Variants in BTK observed in about 807,000 individuals in gnomAD.
BTK encodes the protein tyrosine-protein kinase BTK.
In BTK, 5 loss-of-function variants were observed where a neutral mutation model predicts 57.4. That is an observed-to-expected ratio of 0.09 (90% confidence interval 0.05 to 0.18). BTK has a LOEUF of 0.18. BTK is among the 10% of genes least tolerant of loss of function. The pLI, the probability that BTK is intolerant of heterozygous loss-of-function variation, is 1.00. For missense variants in BTK, 194 were observed against 501.2 expected (o/e 0.39, Z 5.85); for synonymous variants, 154 against 174.3 (o/e 0.88, Z 0.92).
chrX:101,376,288 C>A (rs1037370199), intron 1 of BTK, among the ~76,000 whole-genome samples: 2 of 111,767 alleles, frequency 1.8e-5, no homozygotes, highest in Non-Finnish European at 3.8e-5. Flanking sequence ...ATTACTAATT[C>A]CGAACTTTCA....
At chrX:101,354,246 C>G in intron 16 of BTK, 1 of 420,192 alleles carries the variant, frequency 2.4e-6, no homozygotes, top group Non-Finnish European at 4.2e-6. Context: ...TTCCTCTTCT[C>G]TATCCACCTT....
rs1603008329 is a variant in BTK at position 101,360,580 on chromosome X, C to T, written c.764G>A (p.Arg255Gln). 9.1e-6 allele frequency: 11 copies of T among 1,211,606 alleles called. No homozygotes were observed. The highest frequency in any genetic ancestry group is 1.8e-5 in the South Asian group (1 of 56,998). Residue 255 changes from arginine to glutamine, a missense_variant, in exon 8 of 19, where the codon CGA becomes CAA. This residue lies in a region of BTK where 115 missense variants were observed against 258.3 expected (regional missense o/e 0.45). Transcript: ENST00000308731. ...EESNLPWWRA[R>Q]DKNGQEGYIP... ...GGTGTGGACTCACCCATTTTTATCT[C>T]GTGCTCTCCACCATGGTAAGTTGCT...
At chrX:101,360,506 G>A in intron 8 of BTK, 62 bp downstream of exon 8, 7 of 1,127,682 alleles carry the variant, frequency 6.2e-6, no homozygotes, top group Non-Finnish European at 8.5e-6. Context: ...TTATGCCGCA[G>A]CACTTTTTGC....
chrX:101,375,109 T>C, intron 2 of BTK, 35 bp downstream of exon 2: 1 of 1,209,458 alleles, frequency 8.3e-7, no homozygotes, highest in Non-Finnish European at 1.1e-6. Context: ...GTCCTTGATA[T>C]CTTGAAACTC....
intron 5 of BTK, among the ~76,000 whole-genome samples, chrX:101,367,551 G>A (rs1255860981): frequency 9.2e-6 from 1 of 109,232 alleles, no homozygotes; most frequent in Non-Finnish European, 1.9e-5. Context: ...TAGGAGAATC[G>A]CTTGAACTCG....
intron 5 of BTK, among the ~76,000 whole-genome samples, chrX:101,362,978 T>G (rs1237912831): frequency 2.7e-5 from 3 of 112,118 alleles, no homozygotes; most frequent in Non-Finnish European, 5.6e-5. Context: ...AACAGAAATA[T>G]GTTATCTATG....
At chrX:101,356,338 G>A in intron 14 of BTK, 70 bp from the exon 15 acceptor site, 2 of 938,957 alleles carry the variant, frequency 2.1e-6, no homozygotes, top group African/African-American at 1.9e-5. Flanking sequence ...GGCTGGGGAG[G>A]AAGGGGCTGA....
At chrX:101,359,244 T>C in intron 10 of BTK, 49 bp downstream of exon 10, 1 of 1,184,031 alleles carries the variant, frequency 8.4e-7, no homozygotes. Flanking sequence ...CAGTTCAAGA[T>C]CCTCACTTAT....
At chrX:101,380,928 C>G (rs1246268810) in intron 1 of BTK, among the ~76,000 whole-genome samples, 1 of 105,154 alleles carries the variant, frequency 9.5e-6, no homozygotes, top group African/African-American at 3.5e-5. Context: ...ATCCCTTGAA[C>G]CCGGGAGGCA....
chrX:101,383,335 G>A (rs782791218), intron 1 of BTK, among the ~76,000 whole-genome samples: 1 of 111,262 alleles, frequency 9.0e-6, no homozygotes, highest in East Asian at 2.8e-4. Flanking sequence ...ATGTTATTAG[G>A]ATCTCTATAC....
At chrX:101,381,914 C>T (rs182103256) in intron 1 of BTK, among the ~76,000 whole-genome samples, 159 of 108,615 alleles carry the variant, frequency 1.5e-3, no homozygotes, top group Non-Finnish European at 2.7e-3. Flanking sequence ...CACCTGTAAT[C>T]CCAGTTACTC....
intron 1 of BTK, among the ~76,000 whole-genome samples, chrX:101,383,458 C>A (rs1927516668): frequency 9.0e-6 from 1 of 110,960 alleles, no homozygotes; most frequent in African/African-American, 3.3e-5. Flanking sequence ...TTTTAGAGAG[C>A]CCCCTTTCTC....
At chrX:101,371,307 A>G (rs1284250735) in intron 4 of BTK, among the ~76,000 whole-genome samples, 1 of 112,381 alleles carries the variant, frequency 8.9e-6, no homozygotes, top group Non-Finnish European at 1.9e-5. Context: ...ACAGATAGTC[A>G]GAACCAGAAG....
upstream of BTK, among the ~76,000 whole-genome samples, chrX:101,387,748 G>A (rs36222100): frequency 0.022 from 2,495 of 111,141 alleles, 83 homozygotes; most frequent in African/African-American, 0.078. Flanking sequence ...GACAGCATGT[G>A]TTGTATGATT....
chrX:101,366,983 C>T (rs1426132577), intron 5 of BTK, among the ~76,000 whole-genome samples: 1 of 112,326 alleles, frequency 8.9e-6, no homozygotes, highest in African/African-American at 3.2e-5. Flanking sequence ...GTGGCTTACG[C>T]CTGTAATCTC....
chrX:101,377,418 C>T (rs1005543131), intron 1 of BTK, among the ~76,000 whole-genome samples: 8 of 111,537 alleles, frequency 7.2e-5, no homozygotes, highest in Non-Finnish European at 1.1e-4. Context: ...AAAAATAAAA[C>T]CCTAAATAAA....
At chrX:101,351,205 A>T (rs782524319) in intron 18 of BTK, among the ~76,000 whole-genome samples, 1 of 111,857 alleles carries the variant, frequency 8.9e-6, no homozygotes, top group East Asian at 2.8e-4. Flanking sequence ...CATGTTGGCC[A>T]GAATGGTCTA....
At chrX:101,375,391 T>C in intron 1 of BTK, 77 bp from the exon 2 acceptor site, 1 of 1,006,302 alleles carries the variant, frequency 9.9e-7, no homozygotes, top group Non-Finnish European at 1.4e-6. Flanking sequence ...CCTAGCTACC[T>C]AGTTTCAAAT....
intron 1 of BTK, among the ~76,000 whole-genome samples, chrX:101,378,789 T>C (rs3027617): frequency 9.0e-6 from 1 of 111,582 alleles, no homozygotes; most frequent in African/African-American, 3.3e-5. Flanking sequence ...CAAACTGCAG[T>C]ATGCCAAGGA....
Sources: gnomAD v4.1 joint callset for allele counts (sites outside exome capture counted in the v4.1 genomes callset) on GRCh38, gnomAD v4.1.1 for gene constraint, gnomAD v4.1.1 regional missense constraint, MANE v1.5 for transcripts, NCBI Gene and HGNC (gene_info 2026-07-23, HGNC 2026-07-21) for gene names.